The following SHROOM3 variants were observed in gnomAD, a reference collection of about 807,000 sequenced individuals.
SHROOM3 encodes protein Shroom3.
In SHROOM3, 47 loss-of-function variants were observed where a neutral mutation model predicts 138.6. The observed-to-expected ratio is 0.34, with a 90% CI of 0.27 to 0.43. The LOEUF is 0.43. Ranked by LOEUF, SHROOM3 falls within the 20% of genes least tolerant of loss-of-function variation. SHROOM3 has a pLI of 1.00. For missense variants in SHROOM3, 2,491 were observed against 2,596.5 expected, an observed-to-expected ratio of 0.96 and a Z score of 0.88; for synonymous variants, 1,062 against 1,063.3, an observed-to-expected ratio of 1.00 and a Z score of 0.02.
intron 4 of SHROOM3, among the ~76,000 whole-genome samples, chr4:76,736,342 T>C (rs1217096579): frequency 6.6e-6 from 1 of 152,196 alleles, no homozygotes; most frequent in Non-Finnish European, 1.5e-5. Flanking sequence ...AATTTATACC[T>C]ATCTGTCCCG....
At chr4:76,763,362 G>A (rs1272025577) in intron 9 of SHROOM3, among the ~76,000 whole-genome samples, 1 of 151,946 alleles carries the variant, frequency 6.6e-6, no homozygotes, top group Non-Finnish European at 1.5e-5. Context: ...ACTCCAGACT[G>A]GGCGACAGAG....
At chr4:76,586,804 T>C (rs1734164334) in intron 2 of SHROOM3, 1 of 152,218 alleles carries the variant, frequency 6.6e-6, no homozygotes, top group Admixed American at 6.5e-5. Flanking sequence ...CTAACTTGTA[T>C]AATAAGACCA....
intron 2 of SHROOM3, among the ~76,000 whole-genome samples, chr4:76,587,696 C>T (rs1369842369): frequency 6.6e-6 from 1 of 152,052 alleles, no homozygotes; most frequent in African/African-American, 2.4e-5. Flanking sequence ...AAAATTACTG[C>T]TTTGATGAAT....
chr4:76,715,147 C>T (rs1720336288), intron 3 of SHROOM3, among the ~76,000 whole-genome samples: 1 of 152,146 alleles, frequency 6.6e-6, no homozygotes, highest in Admixed American at 6.5e-5. Flanking sequence ...GTGCTGTGGT[C>T]ACCTCATGAG....
chr4:76,683,896 T>C (rs1192567891), intron 2 of SHROOM3, among the ~76,000 whole-genome samples: 1 of 152,204 alleles, frequency 6.6e-6, no homozygotes, highest in African/African-American at 2.4e-5. Context: ...ATGATAAATT[T>C]TTATTTATCT....
At chr4:76,546,716 C>T (rs910391058) in intron 1 of SHROOM3, among the ~76,000 whole-genome samples, 8 of 152,152 alleles carry the variant, frequency 5.3e-5, no homozygotes, top group Admixed American at 2.0e-4. Context: ...AATTATCGCA[C>T]TTATAGAGAG....
chr4:76,731,979 A>G (rs1257291661), intron 4 of SHROOM3, among the ~76,000 whole-genome samples: 2 of 152,088 alleles, frequency 1.3e-5, no homozygotes, highest in Non-Finnish European at 2.9e-5. Flanking sequence ...GGTCAGGAAG[A>G]AGGAGAGCCC....
At chr4:76,765,048 TTGGATAATTTC>T (rs1467151242) in intron 9 of SHROOM3, among the ~76,000 whole-genome samples, 1 of 152,098 alleles carries the variant, frequency 6.6e-6, no homozygotes, top group Non-Finnish European at 1.5e-5. Flanking sequence ...GTCCTTCAGA[TTGGATAATTTC>T]TGTTGGTCTG....
chr4:76,700,633 G>A (rs530436454), intron 2 of SHROOM3, among the ~76,000 whole-genome samples: 39 of 152,108 alleles, frequency 2.6e-4, no homozygotes, highest in Non-Finnish European at 4.6e-4. Context: ...GTTTTGCCAC[G>A]AGTCCAGTGC....
chr4:76,593,075 T>C (rs1734307433), intron 2 of SHROOM3, among the ~76,000 whole-genome samples: 1 of 152,206 alleles, frequency 6.6e-6, no homozygotes, highest in Non-Finnish European at 1.5e-5. Flanking sequence ...AGGGAATCCT[T>C]TTCTCCAAGC....
intron 2 of SHROOM3, among the ~76,000 whole-genome samples, chr4:76,595,676 A>G (rs1734366952): frequency 6.6e-6 from 1 of 152,206 alleles, no homozygotes; most frequent in South Asian, 2.1e-4. Flanking sequence ...GAGTCAGATT[A>G]CCAAGAATAG....
chr4:76,590,204 T>G (rs4376172), intron 2 of SHROOM3, among the ~76,000 whole-genome samples: 60,251 of 152,020 alleles, frequency 0.4, 12,438 homozygotes, highest in East Asian at 0.54. Flanking sequence ...CCCAGCGGGT[T>G]GCTGGTAAAG....
chr4:76,756,809 C>T lies in SHROOM3; in HGVS notation c.5070C>T (p.Ser1690=), dbSNP rs948032888. 1 of 1,614,126 alleles carries T rather than the reference C, an allele frequency of 6.2e-7. No individual in the cohort carries two copies. The highest frequency in any genetic ancestry group is 8.5e-7 in the Non-Finnish European group (1 of 1,180,034). ...TAGCAGACATTTTGGATCCAGACTC[C>T]AGGCTGAAGACAACAATGGACCTGA... is the stretch of plus-strand genomic sequence containing the variant. ...KSLADILDPD[S]RLKTTMDLME... The change falls in exon 8 of 11, where the codon TCC becomes TCT. Residue 1690 remains serine, a synonymous_variant. Coordinates refer to ENST00000296043, the MANE Select transcript of SHROOM3 (RefSeq NM_020859.4).
Position 76,740,560 on chromosome 4 carries a change from A to G in SHROOM3, c.2387A>G (p.Gln796Arg). Residue 796 changes from glutamine to arginine, a missense_variant, in exon 5 of 11, where the codon CAG becomes CGG. Gln to Arg is a conservative substitution (Grantham distance 43). Around this residue, in one of 4 missense-constraint regions of SHROOM3, gnomAD observed 1,733 missense variants for 1,661.6 expected, o/e 1.04. Coordinates refer to ENST00000296043, the MANE Select transcript of SHROOM3 (RefSeq NM_020859.4). This position sits in a 1 kb window ranked among gnomAD's most constrained non-coding sequence, Gnocchi z 4.0. ...TTCGAGCAGCGAGAGCAAGGGAGCC[A>G]GAGACCGAGTGTGGGCGGCTCTGGT... Reference protein sequence around the residue: ...SKFEQREQGSQRPSVGGSGFG... With the variant: ...SKFEQREQGSRRPSVGGSGFG... The G allele has an allele frequency of 6.2e-7, 1 of 1,614,176 alleles. No homozygotes were observed. Among genetic ancestry groups the G allele is most frequent in the Non-Finnish European group, 8.5e-7 (1 of 1,180,024 alleles).
intron 1 of SHROOM3, among the ~76,000 whole-genome samples, chr4:76,470,766 C>T (rs949167514): frequency 5.3e-5 from 8 of 152,162 alleles, no homozygotes; most frequent in Admixed American, 2.6e-4. Flanking sequence ...TCTCTAGGCT[C>T]AGGCTGAATT....
intron 1 of SHROOM3, among the ~76,000 whole-genome samples, chr4:76,489,908 C>A (rs944683574): frequency 1.3e-5 from 2 of 152,090 alleles, no homozygotes; most frequent in African/African-American, 4.8e-5. Context: ...AATGAGGCAA[C>A]AAAAGAACAA....
At chr4:76,735,830 A>C (rs1721025345) in intron 4 of SHROOM3, among the ~76,000 whole-genome samples, 1 of 113,780 alleles carries the variant, frequency 8.8e-6, no homozygotes, top group African/African-American at 3.6e-5. Context: ...ACAGACCGAG[A>C]CTCTATCTTA....
intron 1 of SHROOM3, among the ~76,000 whole-genome samples, chr4:76,474,197 T>A (rs1351682465): frequency 6.6e-6 from 1 of 152,234 alleles, no homozygotes; most frequent in Admixed American, 6.5e-5. Context: ...GGCCACACAT[T>A]GTATAATTCC....
At chr4:76,554,344 A>G (rs1733432403) in intron 1 of SHROOM3, among the ~76,000 whole-genome samples, 1 of 151,776 alleles carries the variant, frequency 6.6e-6, no homozygotes, top group Non-Finnish European at 1.5e-5. Flanking sequence ...TACTTTATGT[A>G]TCCAATGAAT....
Sources: allele counts gnomAD v4.1 joint callset (sites outside exome capture counted in the v4.1 genomes callset), GRCh38; gene constraint gnomAD v4.1.1; regional missense constraint gnomAD v4.1.1; non-coding constraint Gnocchi (gnomAD v3.1); transcripts MANE v1.5; gene names NCBI Gene and HGNC (gene_info 2026-07-23, HGNC 2026-07-21).